MKLN1: variants seen among roughly 807,000 people sequenced by gnomAD.
MKLN1 encodes the protein muskelin 1, also known as muskelin.
A neutral mutation model predicts 99.0 loss-of-function variants in MKLN1; 18 were observed. That is an observed-to-expected ratio of 0.18 (90% CI 0.13 to 0.27). The LOEUF is 0.27. Among genes scored for constraint, MKLN1 ranks in the 10% least tolerant of loss-of-function variants. The pLI is 1.00. For synonymous variants in MKLN1, 288 were observed against 293.2 expected, an observed-to-expected ratio of 0.98 and a Z score of 0.18; for missense variants, 621 against 875.9, an observed-to-expected ratio of 0.71 and a Z score of 3.67.
At chr7:131,274,365 G>A (rs768384905) in intron 3 of MKLN1, among the ~76,000 whole-genome samples, 4 of 152,010 alleles carry the variant, frequency 2.6e-5, no homozygotes, top group Admixed American at 6.6e-5. Context: ...GATTGCTGCC[G>A]GGAGTGGTGG....
chr7:131,470,739 ACTC>A, intron 15 of MKLN1, 100 bp from the exon 16 acceptor site: 1 of 743,332 alleles, frequency 1.3e-6, no homozygotes, highest in Non-Finnish European at 2.3e-6. Context: ...ATCCAGAACA[ACTC>A]CTCATACTCA....
chr7:131,367,417 C>G (rs976505990), intron 1 of MKLN1, among the ~76,000 whole-genome samples: 1 of 152,012 alleles, frequency 6.6e-6, no homozygotes, highest in African/African-American at 2.4e-5. Flanking sequence ...TAGTTGATAC[C>G]GAATTGTGTC....
intron 1 of MKLN1, among the ~76,000 whole-genome samples, chr7:131,340,878 T>G (rs952766894): frequency 6.6e-6 from 1 of 152,222 alleles, no homozygotes. Context: ...GAGAGTGTCT[T>G]AAGTGAAATT....
At chr7:131,333,598 G>T (rs951145790) in intron 1 of MKLN1, among the ~76,000 whole-genome samples, 1 of 151,636 alleles carries the variant, frequency 6.6e-6, no homozygotes, top group African/African-American at 2.4e-5. Flanking sequence ...GTGCAATGGC[G>T]CAGTCTCGGC....
chr7:131,133,353 C>CTTTTTTTTTTTTTTTTTTTTTTTTTT, intron 1 of MKLN1, among the ~76,000 whole-genome samples: 1 of 93,614 alleles, frequency 1.1e-5, no homozygotes, highest in South Asian at 4.4e-4. Context: ...TTCTTTCTTT[C>CTTTTTTTTTTTTTTTTTTTTTTTTTT]TTTTTTTTTT....
intron 2 of MKLN1, among the ~76,000 whole-genome samples, chr7:131,172,172 G>C (rs1049719605): frequency 6.6e-6 from 1 of 151,698 alleles, no homozygotes; most frequent in African/African-American, 2.4e-5. Flanking sequence ...ATGGAGTCTC[G>C]CTCTGTCGCC....
chr7:131,133,644 G>C (rs930862443), intron 1 of MKLN1, among the ~76,000 whole-genome samples: 1 of 150,988 alleles, frequency 6.6e-6, no homozygotes, highest in Non-Finnish European at 1.5e-5. Flanking sequence ...GAGCCACCGC[G>C]CCCAGCCTCT....
chr7:131,445,664 G>T, intron 11 of MKLN1, 110 bp from the exon 12 acceptor site: 1 of 814,834 alleles, frequency 1.2e-6, no homozygotes, highest in Non-Finnish European at 1.9e-6. Context: ...ACTCCATTGG[G>T]ATCTGTTATA....
rs114167768 is a variant in MKLN1, at chr7:131,480,581, G to A, written c.2086+1904G>A. On this transcript the variant is annotated intron_variant, in intron 17 of 17. Transcript: ENST00000352689. ...CTAGACTGAGCAGACTGCTATAAACGTGACTCCAGAAGGTTCTCCTAAGAA... is the reference window on the plus strand; with the variant it reads ...CTAGACTGAGCAGACTGCTATAAACATGACTCCAGAAGGTTCTCCTAAGAA... 9.1e-4 allele frequency among the ~76,000 whole-genome samples: 138 copies of A among 152,242 alleles called. 1 individual carries two copies. The East Asian group carries it at 0.016, about 18-fold the overall frequency.
chr7:131,327,088 AG>A (rs1798907540), upstream of MKLN1: 1 of 152,216 alleles, frequency 6.6e-6, no homozygotes, highest in Non-Finnish European at 1.5e-5. Context: ...GTTCCCTCTA[AG>A]AAGAAGGAAT....
chr7:131,150,154 C>T (rs575162486), intron 2 of MKLN1, among the ~76,000 whole-genome samples: 2 of 152,202 alleles, frequency 1.3e-5, no homozygotes, highest in East Asian at 1.9e-4. Context: ...AGGCTCAGTA[C>T]TAGGCACCAA....
At chr7:131,413,057 T>G (rs1794923218) in intron 7 of MKLN1, among the ~76,000 whole-genome samples, 1 of 152,132 alleles carries the variant, frequency 6.6e-6, no homozygotes, top group African/African-American at 2.4e-5. Flanking sequence ...ATACTGAAAA[T>G]GAATTCATTT....
Position 131,140,563 on chromosome 7 carries a change from C to T in MKLN1, c.-418-2257C>T, listed in dbSNP as rs550265625. Among the ~76,000 whole-genome samples, 7 of 152,228 alleles carry T rather than the reference C, an allele frequency of 4.6e-5. No individual in the cohort carries two copies. In the South Asian group the frequency reaches 1.5e-3, roughly 32 times the overall value. ...GCAACACCTCCTCTTCTCACTCGTG[C>T]TCTCTCTCTGGCCATGTCATGTGAC... On this transcript the variant is annotated intron_variant, in intron 1 of 7. Transcript: ENST00000416992.
chr7:131,271,013 T>C (rs1472057632), intron 3 of MKLN1, among the ~76,000 whole-genome samples: 2 of 152,198 alleles, frequency 1.3e-5, no homozygotes, highest in African/African-American at 2.4e-5. Flanking sequence ...ATTGTAAAAC[T>C]ACTCCTTGCT....
At chr7:131,417,065 C>T (rs543235412) in intron 8 of MKLN1, among the ~76,000 whole-genome samples, 3 of 149,920 alleles carry the variant, frequency 2.0e-5, no homozygotes, top group South Asian at 2.1e-4. Flanking sequence ...TATAAGAAAG[C>T]GTAGCGAGAA....
intron 1 of MKLN1, among the ~76,000 whole-genome samples, chr7:131,340,053 G>A (rs1423942910): frequency 1.3e-5 from 2 of 151,748 alleles, no homozygotes; most frequent in Admixed American, 1.3e-4. Context: ...TCCTGTCACT[G>A]TCCTCTTTCT....
chr7:131,369,627 A>G (rs988667342), intron 1 of MKLN1, among the ~76,000 whole-genome samples: 5 of 152,328 alleles, frequency 3.3e-5, no homozygotes, highest in Admixed American at 2.0e-4. Flanking sequence ...TATGAGTTGC[A>G]GAGAATTTTG....
intron 1 of MKLN1, among the ~76,000 whole-genome samples, chr7:131,345,153 G>A (rs1433187255): frequency 6.6e-6 from 1 of 152,134 alleles, no homozygotes; most frequent in Non-Finnish European, 1.5e-5. Flanking sequence ...GCGATTTTTG[G>A]CATGTAATTT....
chr7:131,327,785 G>A, upstream of MKLN1: 11 of 1,445,562 alleles, frequency 7.6e-6, no homozygotes, highest in Non-Finnish European at 9.9e-6. Flanking sequence ...ACGATGCGGG[G>A]CGGGGAGCGC....
Sources: gnomAD v4.1 joint callset for allele counts (sites outside exome capture counted in the v4.1 genomes callset) on GRCh38, gnomAD v4.1.1 for gene constraint, MANE v1.5 for transcripts, NCBI Gene and HGNC (gene_info 2026-07-23, HGNC 2026-07-21) for gene names.